Variants in SVEP1 observed in about 807,000 individuals in gnomAD.
SVEP1 encodes the protein sushi, von Willebrand factor type A, EGF and pentraxin domain containing 1, also known as sushi, von Willebrand factor type A, EGF and pentraxin domain-containing protein 1.
Under a neutral mutation model 367.3 loss-of-function variants are expected in SVEP1, and 164 were observed. That is an observed-to-expected ratio of 0.45 (90% CI 0.39 to 0.51). The LOEUF is 0.51. Among genes scored for constraint, SVEP1 ranks in the 20% least tolerant of loss-of-function variants. The pLI is 0.00. For missense variants in SVEP1, 4,117 were observed against 4,425.3 expected (o/e 0.93, Z 1.98); for synonymous variants, 1,666 against 1,611.6 (o/e 1.03, Z -0.81).
At chr9:110,570,993 T>A (rs1830556184) in intron 1 of SVEP1, among the ~76,000 whole-genome samples, 1 of 138,392 alleles carries the variant, frequency 7.2e-6, no homozygotes, top group Admixed American at 7.4e-5. Flanking sequence ...TTTTTTTTTT[T>A]TTGAGACAGG....
intron 3 of SVEP1, among the ~76,000 whole-genome samples, chr9:110,538,507 G>T (rs148079457): frequency 6.6e-6 from 1 of 152,190 alleles, no homozygotes; most frequent in African/African-American, 2.4e-5. Context: ...ACAGGAAAGT[G>T]TGTATGTGTG....
At chr9:110,470,582 G>C (rs1469191367) in intron 16 of SVEP1, among the ~76,000 whole-genome samples, 2 of 151,758 alleles carry the variant, frequency 1.3e-5, no homozygotes, top group Admixed American at 1.3e-4. Flanking sequence ...ACAGGCATGT[G>C]CCATCATGCT....
chr9:110,371,565 C>T (rs1827276628), intron 46 of SVEP1, among the ~76,000 whole-genome samples: 1 of 152,142 alleles, frequency 6.6e-6, no homozygotes, highest in Admixed American at 6.6e-5. Context: ...CTTATCACTC[C>T]CCTTGTATGT....
In SVEP1 at chr9:110,469,018, C is replaced by G. The variant is rs767206485; in HGVS notation, c.3082G>C (p.Gly1028Arg). Residue 1028 changes from glycine (G) to arginine (R), a missense_variant, in exon 17 of 48, where the codon GGG (glycine) becomes CGG (arginine). Gly to Arg is a moderately radical substitution (Grantham distance 125). Around this residue, in one of 4 missense-constraint regions of SVEP1, gnomAD observed 2,174 missense variants for 2,494.3 expected, o/e 0.87. Coordinates refer to ENST00000374469, the MANE Select transcript of SVEP1 (RefSeq NM_153366.4). ...GGGCAAAGCTTGCACTCAAGTTGCCCTTCTTCATCTTGATAGGATCCGATC... is the reference window on the plus strand; with the variant it reads ...GGGCAAAGCTTGCACTCAAGTTGCCGTTCTTCATCTTGATAGGATCCGATC... ...CRIGSYQDEEGQLECKLCPSG... is the reference protein window; with the variant it reads ...CRIGSYQDEERQLECKLCPSG... 9 of 1,613,642 alleles carry G rather than the reference C, an allele frequency of 5.6e-6. No homozygotes were observed. The South Asian group carries it at 9.9e-5, about 18-fold the overall frequency.
intron 24 of SVEP1, 99 bp from the exon 25 acceptor site, chr9:110,447,156 G>T: frequency 8.7e-7 from 1 of 1,146,692 alleles, no homozygotes. Context: ...TGAAATGCTG[G>T]AACACATTTT....
chr9:110,578,973 CG>C (rs1830658820), intron 1 of SVEP1, 39 bp downstream of exon 1: 1 of 1,540,634 alleles, frequency 6.5e-7, no homozygotes. Context: ...TCGAAGGGCC[CG>C]GGGACTAGGG....
intron 1 of SVEP1, among the ~76,000 whole-genome samples, chr9:110,569,260 C>T (rs1339673939): frequency 6.6e-6 from 1 of 151,838 alleles, no homozygotes; most frequent in African/African-American, 2.4e-5. Context: ...AGTTTGAGAC[C>T]ACCCTGACCA....
intron 3 of SVEP1, among the ~76,000 whole-genome samples, chr9:110,536,094 C>G (rs1039609299): frequency 6.6e-6 from 1 of 151,980 alleles, no homozygotes; most frequent in East Asian, 1.9e-4. Context: ...GGATCTGTCA[C>G]AGATGGCTCT....
chr9:110,471,718 G>GA (rs1365853294), intron 15 of SVEP1, 121 bp from the exon 16 acceptor site: 26 of 709,236 alleles, frequency 3.7e-5, no homozygotes, highest in East Asian at 5.5e-5. Context: ...GTGGTCTATA[G>GA]AAAAAAAATA....
intron 32 of SVEP1, among the ~76,000 whole-genome samples, chr9:110,431,711 G>C (rs1431050994): frequency 6.6e-6 from 1 of 152,122 alleles, no homozygotes; most frequent in Non-Finnish European, 1.5e-5. Flanking sequence ...TGAGAAATTG[G>C]GAAGTTGGGG....
rs139344292 is a variant in SVEP1, at chr9:110,391,665, G to A, written c.9823-2078C>T. 3.9e-4 allele frequency among the ~76,000 whole-genome samples: 59 copies of A among 152,214 alleles called. No homozygotes were observed. The East Asian group carries it at 7.7e-3, about 20-fold the overall frequency. On this transcript the variant is annotated intron_variant, in intron 40 of 47. Coordinates refer to ENST00000374469, the MANE Select transcript of SVEP1 (RefSeq NM_153366.4). ...GTATTAACTACAAAATTGAGAGAGCGATAATAGTGATTGCTCTCACTCTGA... is the reference window on the plus strand; with the variant it reads ...GTATTAACTACAAAATTGAGAGAGCAATAATAGTGATTGCTCTCACTCTGA...
chr9:110,482,396 T>C lies in SVEP1; in HGVS notation c.2135A>G (p.Asn712Ser). Reference protein sequence around the residue: ...VQYTATDPSGNNRTCDIHIVI... With the variant: ...VQYTATDPSGSNRTCDIHIVI... ...AATATGGATATCACATGTCCTGTTATTGCCTGAGGGGTCAGTGGCTGTATA... is the reference window on the plus strand; with the variant it reads ...AATATGGATATCACATGTCCTGTTACTGCCTGAGGGGTCAGTGGCTGTATA... The change falls in exon 11 of 48, where the codon AAT becomes AGT. Residue 712 changes from asparagine to serine, a missense_variant. Asn to Ser is a conservative substitution (Grantham distance 46, BLOSUM62 1). Transcript: ENST00000374469. 6.2e-7 allele frequency: 1 copy of C among 1,612,770 alleles called. No homozygotes were observed. Among genetic ancestry groups the C allele is most frequent in the Non-Finnish European group, 8.5e-7 (1 of 1,179,492 alleles).
intron 3 of SVEP1, among the ~76,000 whole-genome samples, chr9:110,522,641 T>C (rs1829891376): frequency 6.6e-6 from 1 of 152,190 alleles, no homozygotes; most frequent in South Asian, 2.1e-4. Context: ...CTAATGACCC[T>C]TGATTTTAGC....
intron 1 of SVEP1, among the ~76,000 whole-genome samples, chr9:110,570,970 C>CTTTTTTTTTTTT (rs374900472): frequency 8.7e-6 from 1 of 114,928 alleles, no homozygotes. Context: ...CAGATGGCTC[C>CTTTTTTTTTTTT]TTTTTTTTTT....
intron 47 of SVEP1, 197 bp downstream of exon 47, chr9:110,369,726 G>A: frequency 1.8e-6 from 1 of 557,720 alleles, no homozygotes; most frequent in Non-Finnish European, 3.1e-6. Context: ...AGATATTCTT[G>A]TTTTGTCAAT....
intron 3 of SVEP1, among the ~76,000 whole-genome samples, chr9:110,543,082 G>A (rs1235299438): frequency 1.3e-5 from 2 of 151,826 alleles, no homozygotes; most frequent in Non-Finnish European, 2.9e-5. Context: ...TCTGAAAGGA[G>A]AGTCTGGTCA....
chr9:110,553,989 C>A (rs189314752), intron 1 of SVEP1, among the ~76,000 whole-genome samples: 1 of 152,220 alleles, frequency 6.6e-6, no homozygotes, highest in Admixed American at 6.5e-5. Flanking sequence ...AAATAGATAT[C>A]TTTTGTCTTT....
chr9:110,448,144 T>TGTGTGTGC (rs1178642932), intron 24 of SVEP1, among the ~76,000 whole-genome samples: 2 of 79,738 alleles, frequency 2.5e-5, no homozygotes, highest in Non-Finnish European at 4.6e-5. Context: ...TGTGTGTGTG[T>TGTGTGTGC]GTGTGCGCGT....
rs1203831480 is a variant in SVEP1 at position 110,579,141 on chromosome 9, G to C, written c.403C>G (p.Pro135Ala). ...VTFSSKNYVV[P>A]RVDYISTRRA... ...CGGGTGGAGATGTAATCGACGCGCG[G>C]CACCACGTAGTTCTTGGACGAGAAG... The change falls in exon 1 of 48, where the codon CCG becomes GCG. Residue 135 changes from proline (P) to alanine (A), a missense_variant. Transcript: ENST00000374469. This position sits in a 1 kb window ranked among gnomAD's most constrained non-coding sequence, Gnocchi z 5.3. 1.3e-6 allele frequency: 2 copies of C among 1,557,344 alleles called. No homozygotes were observed. The highest frequency in any genetic ancestry group is 4.8e-5 in the East Asian group (2 of 41,256).
Sources: gnomAD v4.1 joint callset for allele counts (sites outside exome capture counted in the v4.1 genomes callset) on GRCh38, gnomAD v4.1.1 for gene constraint, gnomAD v4.1.1 regional missense constraint, Gnocchi (gnomAD v3.1) non-coding constraint, MANE v1.5 for transcripts, NCBI Gene and HGNC (gene_info 2026-07-23, HGNC 2026-07-21) for gene names.